Variants in CCL17 observed in about 807,000 individuals in gnomAD.
The protein encoded by CCL17 is C-C motif chemokine 17.
A neutral mutation model predicts 7.4 loss-of-function variants in CCL17; 8 were observed. That is an observed-to-expected ratio of 1.09 (90% confidence interval 0.64 to 1.96). The LOEUF (loss-of-function observed/expected upper bound fraction) is 1.96, where lower values mean the gene tolerates loss of function less well. CCL17 is among the 30% of genes most tolerant of loss of function. The pLI is 0.00. For synonymous variants in CCL17, 40 were observed against 46.1 expected (o/e 0.87, Z 0.54); for missense variants, 102 against 113.0 (o/e 0.90, Z 0.44).
chr16:57,405,369 G>T (rs754134382), intron 1 of CCL17, among the ~76,000 whole-genome samples: 1 of 152,212 alleles, frequency 6.6e-6, no homozygotes, highest in African/African-American at 2.4e-5. Flanking sequence ...TGAAGACAGC[G>T]CTGGGCAGAG....
intron 1 of CCL17, among the ~76,000 whole-genome samples, chr16:57,405,040 G>A (rs1052354383): frequency 1.3e-5 from 2 of 152,232 alleles, no homozygotes; most frequent in Non-Finnish European, 1.5e-5. Flanking sequence ...AAAGCTCAAT[G>A]TTGGGGAGCA....
chr16:57,403,451 AT>A (rs552200286), upstream of CCL17, among the ~76,000 whole-genome samples: 530 of 10,768 alleles, frequency 0.049, 98 homozygotes, highest in Middle Eastern at 0.1. Context: ...TATATATTAT[AT>A]TATAATATAT....
At chr16:57,410,610 G>T (rs529923701) in intron 1 of CCL17, among the ~76,000 whole-genome samples, 1 of 152,152 alleles carries the variant, frequency 6.6e-6, no homozygotes, top group Non-Finnish European at 1.5e-5. Flanking sequence ...GCAGCATAAA[G>T]ATCTCTCAAG....
At chr16:57,401,624 T>A (rs1902593089), upstream of CCL17, among the ~76,000 whole-genome samples, 1 of 152,040 alleles carries the variant, frequency 6.6e-6, no homozygotes, top group Non-Finnish European at 1.5e-5. Flanking sequence ...AAGAAATGCG[T>A]GGGACTAATG....
the CCL17 span, among the ~76,000 whole-genome samples, chr16:57,399,733 C>T: frequency 6.6e-6 from 1 of 152,220 alleles, no homozygotes; most frequent in Non-Finnish European, 1.5e-5. Context: ...CAGGCGTAAG[C>T]CACTGCTCCT....
At chr16:57,397,501 C>T in the CCL17 span, among the ~76,000 whole-genome samples, 4 of 152,150 alleles carry the variant, frequency 2.6e-5, no homozygotes, top group Non-Finnish European at 5.9e-5. Context: ...TGGGAGTTTC[C>T]ACCTGGCAGC....
At chr16:57,403,133 T>C (rs1190275246), upstream of CCL17, among the ~76,000 whole-genome samples, 1 of 102,602 alleles carries the variant, frequency 9.7e-6, no homozygotes, top group Non-Finnish European at 1.8e-5. Flanking sequence ...ATATATAATA[T>C]ATATTATTAT....
intron 2 of CCL17, among the ~76,000 whole-genome samples, 186 bp downstream of exon 2, chr16:57,414,188 C>T (rs539771751): frequency 2.0e-5 from 3 of 152,090 alleles, no homozygotes; most frequent in East Asian, 1.9e-4. Context: ...TTGATGATGA[C>T]GATGCCCCAG....
At chr16:57,403,192 AT>A (rs1456318393), upstream of CCL17, among the ~76,000 whole-genome samples, 22 of 33,982 alleles carry the variant, frequency 6.5e-4, no homozygotes, top group South Asian at 1.3e-3. Flanking sequence ...TATAATATAT[AT>A]TATTATCTAT....
At chr16:57,405,672 G>A (rs921134793) in intron 1 of CCL17, among the ~76,000 whole-genome samples, 7 of 152,064 alleles carry the variant, frequency 4.6e-5, no homozygotes, top group Admixed American at 6.6e-5. Context: ...AAGATGGGCC[G>A]GAAGGAGGAG....
chr16:57,415,272 C>A lies in CCL17; in HGVS notation c.188+74C>A. ...CAAGTGCACCCTGGAGCTCCCAGGA[C>A]GGCCAATGGGGAGCAGGGAAGAGAC... On this transcript the variant is annotated intron_variant, in intron 3 of 3. Coordinates refer to ENST00000219244, the MANE Select transcript of CCL17 (RefSeq NM_002987.3). This position sits in a 1 kb window ranked among gnomAD's most constrained non-coding sequence, Gnocchi z 4.5. The A allele has an allele frequency of 1.0e-6, 1 of 986,808 alleles. No individual in the cohort carries two copies. Among genetic ancestry groups the A allele is most frequent in the Non-Finnish European group, 1.6e-6 (1 of 611,350 alleles). The allele number at this position is 986,808 out of a possible 1,614,324, so 61.1% of individuals were successfully genotyped here.
At chr16:57,401,701 C>T (rs555527993), upstream of CCL17, among the ~76,000 whole-genome samples, 10 of 152,252 alleles carry the variant, frequency 6.6e-5, no homozygotes, top group Admixed American at 1.3e-4. Flanking sequence ...GGCTCAGTGA[C>T]GTGGTAATAC....
intron 1 of CCL17, among the ~76,000 whole-genome samples, chr16:57,413,105 C>A (rs1194383639): frequency 1.3e-5 from 2 of 152,212 alleles, no homozygotes; most frequent in Non-Finnish European, 2.9e-5. Context: ...AAGTGAGAAG[C>A]AGCATCTCCC....
At chr16:57,404,358 T>C (rs1902664543), upstream of CCL17, among the ~76,000 whole-genome samples, 1 of 152,096 alleles carries the variant, frequency 6.6e-6, no homozygotes. Flanking sequence ...GATGCTGGTT[T>C]CTGGGTGTAT....
At chr16:57,408,214 C>T (rs1280615376) in intron 1 of CCL17, among the ~76,000 whole-genome samples, 1 of 151,950 alleles carries the variant, frequency 6.6e-6, no homozygotes, top group Non-Finnish European at 1.5e-5. Flanking sequence ...CACATCCACC[C>T]ATCCATTTAT....
upstream of CCL17, among the ~76,000 whole-genome samples, chr16:57,404,206 C>G (rs1902662274): frequency 6.6e-6 from 1 of 152,130 alleles, no homozygotes; most frequent in South Asian, 2.1e-4. Flanking sequence ...GACTTGTCCT[C>G]TGCGTGAGGT....
upstream of CCL17, among the ~76,000 whole-genome samples, chr16:57,400,795 C>A (rs897262631): frequency 6.6e-6 from 1 of 151,920 alleles, no homozygotes; most frequent in African/African-American, 2.4e-5. Flanking sequence ...ATGGTGAAAC[C>A]CCATCTCTAC....
At chr16:57,404,309 G>A (rs1476496289), upstream of CCL17, among the ~76,000 whole-genome samples, 1 of 152,152 alleles carries the variant, frequency 6.6e-6, no homozygotes, top group Non-Finnish European at 1.5e-5. Flanking sequence ...ATGGAGACAG[G>A]GAGAGCACCC....
At position 57,413,449 on chromosome 16, in the gene CCL17, C is replaced by G. The variant is rs41528148; in HGVS notation, c.-59-425C>G. Among the ~76,000 whole-genome samples, 1,093 of 152,190 alleles carry G rather than the reference C, an allele frequency of 7.2e-3. 10 individuals carry two copies. The highest frequency in any genetic ancestry group is 0.012 in the Non-Finnish European group (819 of 67,986). ...GCAGCCAGGGTGGCCCTGGCAGCAC[C>G]CTGAAGCTCACTCATGGTCCAGGAG... On this transcript the variant is annotated intron_variant, in intron 1 of 3. Transcript: ENST00000219244.
Sources: allele counts gnomAD v4.1 joint callset (sites outside exome capture counted in the v4.1 genomes callset), GRCh38; gene constraint gnomAD v4.1.1; non-coding constraint Gnocchi (gnomAD v3.1); transcripts MANE v1.5; gene names NCBI Gene and HGNC (gene_info 2026-07-23, HGNC 2026-07-21).